TEX52: variants seen among roughly 807,000 people sequenced by gnomAD.
TEX52 encodes the protein testis-expressed protein 52.
Under a neutral mutation model 17.6 loss-of-function variants are expected in TEX52, and 22 were observed. The ratio of observed to expected loss-of-function variants is 1.25; its 90% CI spans 0.89 to 1.78. The LOEUF (loss-of-function observed/expected upper bound fraction) is 1.78. Ranked by LOEUF, TEX52 falls within the 40% of genes most tolerant of loss-of-function variation. The probability of loss-of-function intolerance (pLI) is 0.00; values close to 1 mark genes in which losing one functional copy is unlikely to be tolerated. For synonymous variants in TEX52, 168 were observed against 147.4 expected (o/e 1.14, Z -1.01); for missense variants, 396 against 372.3 (o/e 1.06, Z -0.52).
At chr12:2,851,394 C>G (rs904308035) in intron 2 of TEX52, among the ~76,000 whole-genome samples, 2 of 152,084 alleles carry the variant, frequency 1.3e-5, no homozygotes, top group Non-Finnish European at 2.9e-5. Context: ...GATGCTCGAG[C>G]ACAGTGGCCA....
At chr12:2,849,709 A>ATG (rs1463067157) in intron 2 of TEX52, among the ~76,000 whole-genome samples, 184 bp from the exon 3 acceptor site, 1 of 152,098 alleles carries the variant, frequency 6.6e-6, no homozygotes, top group African/African-American at 2.4e-5. Context: ...CCTGCACCTT[A>ATG]TGTGTGTGTG....
rs146401919 is a variant in TEX52 at position 2,852,248 on chromosome 12, A to T, written c.623+2648T>A. On this transcript the variant is annotated intron_variant, in intron 2 of 2. Transcript: ENST00000637658. ...ACAGCAGTAAACATGTGAGACAAGG[A>T]TCCTACTGTCATGGAGATACCATAC... Among the ~76,000 whole-genome samples, 641 of 152,300 alleles carry T rather than the reference A, an allele frequency of 4.2e-3. 5 individuals are homozygous for T. The highest frequency in any genetic ancestry group is 0.015 in the African/African-American group (616 of 41,558).
Position 2,851,724 on chromosome 12 carries a change from G to C in TEX52, c.624-2199C>G, listed in dbSNP as rs990026314. ...GATGTAGTCTTGATCTGTCACCCAG[G>C]CTGGAATGCAGTGGCGTGATCTCAG... On this transcript the variant is annotated intron_variant, in intron 2 of 2. Coordinates refer to ENST00000637658, the MANE Select transcript of TEX52 (RefSeq NM_001365174.2). 1.3e-4 allele frequency among the ~76,000 whole-genome samples: 20 copies of C among 151,138 alleles called. No homozygotes were observed. The Middle Eastern group carries it at 0.011, about 80-fold the overall frequency.
At position 2,855,099 on chromosome 12, in the gene TEX52, G is replaced by A; in HGVS notation, c.420C>T (p.Pro140=). The A allele has an allele frequency of 6.5e-7, 1 of 1,535,804 alleles. No homozygotes were observed. The highest frequency in any genetic ancestry group is 8.7e-7 in the Non-Finnish European group (1 of 1,146,698). The change falls in exon 2 of 3, where the codon CCC becomes CCT. Residue 140 remains proline (P), a synonymous_variant. Coordinates refer to ENST00000637658, the MANE Select transcript of TEX52 (RefSeq NM_001365174.2). ...TGTTTTGCCCCATCCAGGAGGGAGG[G>A]GGGATGGGGTGCTCCGTGGGGGGGC... ...HRCPPTEHPI[P]PPSWMGQNSF... is the part of the protein sequence containing the mutation.
In TEX52 at chr12:2,852,086, G is replaced by T. The variant is rs530220856; in HGVS notation, c.624-2561C>A. 2.0e-5 allele frequency among the ~76,000 whole-genome samples: 3 copies of T among 152,228 alleles called. No individual in the cohort carries two copies. In the South Asian group the frequency reaches 6.2e-4, roughly 32 times the overall value. On this transcript the variant is annotated intron_variant, in intron 2 of 2. Transcript: ENST00000637658. ...AGCTCCATTATAATCTTATGGGACC[G>T]CTGTGGTATATGTGGTCTGTCACTG...
chr12:2,849,923 T>C (rs564292328), intron 2 of TEX52, among the ~76,000 whole-genome samples: 4 of 152,296 alleles, frequency 2.6e-5, no homozygotes, highest in African/African-American at 9.6e-5. Context: ...AAGCCTGCGG[T>C]ATTGGGTCGA....
chr12:2,856,911 G>A lies in TEX52; in HGVS notation c.72+44C>T, dbSNP rs556005541. Reference sequence around the variant, plus strand: ...ACTATAAGGGACAGCCTGTAGCCCAGTGGGGTACAAAAAGGTAGGCGGCAG... The same window carrying A: ...ACTATAAGGGACAGCCTGTAGCCCAATGGGGTACAAAAAGGTAGGCGGCAG... On this transcript the variant is annotated intron_variant, in intron 1 of 2. Coordinates refer to ENST00000637658, the MANE Select transcript of TEX52 (RefSeq NM_001365174.2). The A allele has an allele frequency of 1.7e-4, 123 of 702,978 alleles. No homozygotes were observed. The African/African-American group carries it at 2.0e-3, about 12-fold the overall frequency. The allele number at this position is 702,978 out of a possible 1,614,324, so 43.5% of individuals were successfully genotyped here. A position where few individuals can be genotyped will look rare whatever the true frequency, so the allele number is the denominator to read the frequency against.
chr12:2,850,679 TTTTGTTTTG>T (rs1422123828), intron 2 of TEX52, among the ~76,000 whole-genome samples: 12 of 151,012 alleles, frequency 7.9e-5, no homozygotes, highest in South Asian at 2.1e-4. Context: ...TTTTGTTTTG[TTTTGTTTTG>T]TTGAGACAGA....
In TEX52 at chr12:2,849,149, G is replaced by A. The variant is rs1452608806; in HGVS notation, c.*82C>T. 2.9e-6 allele frequency: 4 copies of A among 1,398,304 alleles called. No individual in the cohort carries two copies. In the South Asian group the frequency reaches 4.4e-5, roughly 15 times the overall value. The allele number at this position is 1,398,304 out of a possible 1,614,324, so 86.6% of individuals were successfully genotyped here. A position where few individuals can be genotyped will look rare whatever the true frequency, so the allele number is the denominator to read the frequency against. On this transcript the variant is annotated 3_prime_UTR_variant, in exon 3 of 3. Coordinates refer to ENST00000637658, the MANE Select transcript of TEX52 (RefSeq NM_001365174.2). The stretch of plus-strand genomic sequence containing the variant: ...AGCCAGAGTCCTTTTGCTACCCCAG[G>A]GCCTCTTGCTGAAGGAGCATTGATT...
At chr12:2,851,270 G>T (rs1027808340) in intron 2 of TEX52, among the ~76,000 whole-genome samples, 1 of 152,252 alleles carries the variant, frequency 6.6e-6, no homozygotes, top group Admixed American at 6.5e-5. Flanking sequence ...GTGAGTGAGT[G>T]AATGTGAAGG....
At chr12:2,849,747 G>A (rs549170220) in intron 2 of TEX52, among the ~76,000 whole-genome samples, 6 of 152,268 alleles carry the variant, frequency 3.9e-5, no homozygotes, top group Non-Finnish European at 7.4e-5. Context: ...AAATAATGTC[G>A]TGCAGCTAGT....
Position 2,855,081 on chromosome 12 carries a change from C to T in TEX52, c.438G>A (p.Gly146=). The T allele has an allele frequency of 1.3e-6, 2 of 1,536,000 alleles. No homozygotes were observed. The highest frequency in any genetic ancestry group is 1.7e-6 in the Non-Finnish European group (2 of 1,146,858). ...EHPIPPPSWM[G]QNSFLTFIHC... The stretch of plus-strand genomic sequence containing the variant: ...GGATGAAGGTCAGGAAGCTGTTTTG[C>T]CCCATCCAGGAGGGAGGGGGGATGG... Residue 146 remains glycine (G), a synonymous_variant, in exon 2 of 3, where the codon GGG becomes GGA. Coordinates refer to ENST00000637658, the MANE Select transcript of TEX52 (RefSeq NM_001365174.2).
downstream of TEX52, among the ~76,000 whole-genome samples, chr12:2,847,833 TTCAC>T (rs2098057758): frequency 6.6e-6 from 1 of 152,212 alleles, no homozygotes; most frequent in Non-Finnish European, 1.5e-5. Context: ...TCTGGCTTCT[TTCAC>T]TCAGCATGAT....
Position 2,855,039 on chromosome 12 carries a change from AAACGTGGGAT to A in TEX52, c.470_479del (p.Tyr157LeufsTer4). 1 of 1,536,002 alleles carries A rather than the reference AAACGTGGGAT, an allele frequency of 6.5e-7. No individual in the cohort carries two copies. Among genetic ancestry groups the A allele is most frequent in the Admixed American group, 2.0e-5 (1 of 50,996 alleles). ...CCTGCTTCTTCCTTTTCATGTCCAC[AAACGTGGGAT>A]AACAGTGGATGAAGGTCAGGAAGCT... On this transcript the variant is annotated frameshift_variant, in exon 2 of 3. Coordinates refer to ENST00000637658, the MANE Select transcript of TEX52 (RefSeq NM_001365174.2). LOFTEE classifies it high-confidence loss of function.
chr12:2,855,062 A>G lies in TEX52; in HGVS notation c.457T>C (p.Phe153Leu). The G allele has an allele frequency of 3.3e-6, 5 of 1,536,042 alleles. No individual in the cohort carries two copies. Among genetic ancestry groups the G allele is most frequent in the African/African-American group, 1.4e-5 (1 of 73,132 alleles). Reference sequence around the variant, plus strand: ...ACAAACGTGGGATAACAGTGGATGAAGGTCAGGAAGCTGTTTTGCCCCATC... The same window carrying G: ...ACAAACGTGGGATAACAGTGGATGAGGGTCAGGAAGCTGTTTTGCCCCATC... The part of the protein sequence containing the change: ...SWMGQNSFLT[F>L]IHCYPTFVDM... Residue 153 changes from phenylalanine (F) to leucine (L), a missense_variant, in exon 2 of 3, where the codon TTC becomes CTC. By Grantham distance (22) the Phe-to-Leu change is conservative. Transcript: ENST00000637658.
In TEX52 at chr12:2,855,274, A is replaced by T; in HGVS notation, c.245T>A (p.Ile82Asn). 2.6e-6 allele frequency: 4 copies of T among 1,516,082 alleles called. No individual in the cohort carries two copies. The highest frequency in any genetic ancestry group is 3.5e-6 in the Non-Finnish European group (4 of 1,132,078). 93.9% of individuals were successfully genotyped at this position (1,516,082 alleles called of 1,614,324 possible). A position where few individuals can be genotyped will look rare whatever the true frequency, so the allele number is the denominator to read the frequency against. Residue 82 changes from isoleucine to asparagine, a missense_variant, in exon 2 of 3, where the codon ATC becomes AAC. Physicochemically the swap from Ile to Asn is moderately radical, Grantham distance 149. Transcript: ENST00000637658. ...DMKSKVRQRL[I>N]HPWKGGAQHT... ...CTGGGCGCCACCCTTCCAAGGGTGG[A>T]TGAGCCGCTGACGCACCTTGGACTT...
In TEX52 at chr12:2,849,483, G is replaced by A. The variant is rs1212368992; in HGVS notation, c.666C>T (p.Gly222=). 4 of 1,536,170 alleles carry A rather than the reference G, an allele frequency of 2.6e-6. No individual in the cohort carries two copies. Among genetic ancestry groups the A allele is most frequent in the Non-Finnish European group, 3.5e-6 (4 of 1,146,924 alleles). Residue 222 remains glycine, a synonymous_variant, in exon 3 of 3, where the codon GGC becomes GGT. Transcript: ENST00000637658. The stretch of plus-strand genomic sequence containing the variant: ...GAAACGGGTTGGGCATGAGCTGGAG[G>A]CCCTGGGGTTCAAACCTCCCACCAG... ...ISAGGRFEPQ[G]LQLMPNPFPN... is the part of the protein sequence containing the mutation.
At chr12:2,851,770 C>G (rs2098071812) in intron 2 of TEX52, among the ~76,000 whole-genome samples, 1 of 152,158 alleles carries the variant, frequency 6.6e-6, no homozygotes, top group Admixed American at 6.5e-5. Flanking sequence ...CTTCCACCTC[C>G]CGGGTTCAAG....
intron 1 of TEX52, 78 bp downstream of exon 1, chr12:2,856,877 G>A: frequency 1.4e-6 from 1 of 698,604 alleles, no homozygotes; most frequent in Non-Finnish European, 2.6e-6. Context: ...CCAGAAGAAA[G>A]CCTGGCCCAC....
Sources: gnomAD v4.1 joint callset for allele counts (sites outside exome capture counted in the v4.1 genomes callset) on GRCh38, gnomAD v4.1.1 for gene constraint, MANE v1.5 for transcripts, NCBI Gene and HGNC (gene_info 2026-07-23, HGNC 2026-07-21) for gene names.